CBFA2T2: variants seen among roughly 807,000 people sequenced by gnomAD.
The protein encoded by CBFA2T2 is protein CBFA2T2.
Under a neutral mutation model 62.2 loss-of-function variants are expected in CBFA2T2, and 11 were observed. That is an observed-to-expected ratio of 0.18 (90% CI 0.11 to 0.29). The LOEUF is 0.29. Ranked by LOEUF, CBFA2T2 falls within the 10% of genes least tolerant of loss-of-function variation. The pLI is 1.00. For synonymous variants in CBFA2T2, 295 were observed against 287.5 expected (o/e 1.03, Z -0.27); for missense variants, 592 against 774.1 (o/e 0.76, Z 2.79).
chr20:33,490,312 C>A lies in CBFA2T2; in HGVS notation c.34+11C>A. ...CGGCCGCCTTCCAGCGTAAGTGGGG[C>A]GTGAATGCGGGCGGCCGAGGGGGGC... is the stretch of plus-strand genomic sequence containing the variant. On this transcript the variant is annotated intron_variant, in intron 1 of 10. Coordinates refer to ENST00000342704, the MANE Select transcript of CBFA2T2 (RefSeq NM_001032999.3). 1 of 1,284,332 alleles carries A rather than the reference C, an allele frequency of 7.8e-7. No homozygotes were observed. Among genetic ancestry groups the A allele is most frequent in the Non-Finnish European group, 9.8e-7 (1 of 1,016,296 alleles). 79.6% of individuals were successfully genotyped at this position (1,284,332 alleles called of 1,614,324 possible). A position where few individuals can be genotyped will look rare whatever the true frequency, so the allele number is the denominator to read the frequency against.
At chr20:33,643,753 C>CTATA (rs6147333) in intron 10 of CBFA2T2, among the ~76,000 whole-genome samples, 11 of 56,948 alleles carry the variant, frequency 1.9e-4, no homozygotes, top group Non-Finnish European at 3.0e-4. Context: ...CTCATCTCTA[C>CTATA]TATATATATA....
chr20:33,534,568 C>A (rs1328818885), intron 1 of CBFA2T2, among the ~76,000 whole-genome samples: 4 of 152,078 alleles, frequency 2.6e-5, no homozygotes, highest in Non-Finnish European at 5.9e-5. Flanking sequence ...CCACCTCGGC[C>A]TCCCAAAGTG....
At chr20:33,641,994 C>T (rs1216400474) in intron 10 of CBFA2T2, among the ~76,000 whole-genome samples, 3 of 152,002 alleles carry the variant, frequency 2.0e-5, no homozygotes, top group Non-Finnish European at 4.4e-5. Context: ...GTGGCTATCA[C>T]AGAGGATGTG....
intron 1 of CBFA2T2, among the ~76,000 whole-genome samples, chr20:33,573,412 G>T (rs916340671): frequency 6.6e-6 from 1 of 151,912 alleles, no homozygotes; most frequent in African/African-American, 2.4e-5. Flanking sequence ...AAGAGATGAT[G>T]GATGTAAGTG....
At chr20:33,601,845 C>T (rs571468324) in intron 1 of CBFA2T2, 2 of 150,966 alleles carry the variant, frequency 1.3e-5, no homozygotes, top group East Asian at 3.9e-4. Flanking sequence ...CACCCTGTCA[C>T]TCAGGCTGGA....
At chr20:33,567,454 A>G (rs1336288960) in intron 1 of CBFA2T2, among the ~76,000 whole-genome samples, 1 of 152,224 alleles carries the variant, frequency 6.6e-6, no homozygotes, top group Non-Finnish European at 1.5e-5. Context: ...CCTGTGGTAC[A>G]GTACGCTAAG....
intron 1 of CBFA2T2, among the ~76,000 whole-genome samples, chr20:33,493,070 T>G (rs906102738): frequency 8.4e-5 from 11 of 131,602 alleles, no homozygotes; most frequent in South Asian, 2.6e-4. Context: ...AAGTTTTGGT[T>G]TTTTTTTTTT....
chr20:33,593,533 C>T (rs1258548714), intron 1 of CBFA2T2, among the ~76,000 whole-genome samples: 7 of 150,796 alleles, frequency 4.6e-5, no homozygotes, highest in Non-Finnish European at 8.8e-5. Context: ...GCTGGGATTA[C>T]AGGCACCTGC....
At position 33,633,148 on chromosome 20, in the gene CBFA2T2, A is replaced by T. The variant is rs969861095; in HGVS notation, c.1228+3234A>T. ...CACTTTGGGAGGCTGAACGAGGTGG[A>T]TCACGTGAAGCCAGGAGTTCGAGAC... is the stretch of plus-strand genomic sequence containing the variant. On this transcript the variant is annotated intron_variant, in intron 8 of 10. Transcript: ENST00000342704. Among the ~76,000 whole-genome samples, 12 of 151,832 alleles carry T rather than the reference A, an allele frequency of 7.9e-5. 1 individual carries two copies. Among genetic ancestry groups the T allele is most frequent in the Non-Finnish European group, 1.6e-4 (11 of 67,954 alleles).
intron 1 of CBFA2T2, among the ~76,000 whole-genome samples, chr20:33,526,188 T>TA (rs2011880951): frequency 6.6e-6 from 1 of 152,218 alleles, no homozygotes; most frequent in Admixed American, 6.5e-5. Context: ...CGCCTGGCCT[T>TA]ACATATATTT....
chr20:33,503,266 T>G (rs2011329230), intron 1 of CBFA2T2, among the ~76,000 whole-genome samples: 1 of 143,974 alleles, frequency 6.9e-6, no homozygotes, highest in Admixed American at 6.9e-5. Flanking sequence ...TTTTTTTTTT[T>G]TTTTTTGAGA....
At chr20:33,621,252 T>C in intron 4 of CBFA2T2, among the ~76,000 whole-genome samples, 1 of 151,634 alleles carries the variant, frequency 6.6e-6, no homozygotes, top group Admixed American at 6.6e-5. Context: ...TTCTCTCTTT[T>C]ATGAGTATCT....
At chr20:33,585,405 T>TA (rs2014317616) in intron 1 of CBFA2T2, among the ~76,000 whole-genome samples, 1 of 152,220 alleles carries the variant, frequency 6.6e-6, no homozygotes, top group Non-Finnish European at 1.5e-5. Flanking sequence ...TCATACTACA[T>TA]ATATATAGGA....
intron 1 of CBFA2T2, among the ~76,000 whole-genome samples, chr20:33,569,230 G>T (rs1364494775): frequency 6.6e-6 from 1 of 152,148 alleles, no homozygotes; most frequent in African/African-American, 2.4e-5. Context: ...AATCCAGTGG[G>T]CAGTATGTTA....
At chr20:33,577,142 T>C (rs1387588551) in intron 1 of CBFA2T2, among the ~76,000 whole-genome samples, 1 of 152,226 alleles carries the variant, frequency 6.6e-6, no homozygotes, top group African/African-American at 2.4e-5. Flanking sequence ...CTGGTTATCT[T>C]TCAGAGTGTC....
chr20:33,494,259 A>G (rs1250308477), intron 1 of CBFA2T2, among the ~76,000 whole-genome samples: 5 of 71,324 alleles, frequency 7.0e-5, no homozygotes, highest in African/African-American at 3.1e-4. Flanking sequence ...ATATATATAT[A>G]TATATATATA....
At chr20:33,586,604 T>A (rs2014381895) in intron 1 of CBFA2T2, among the ~76,000 whole-genome samples, 1 of 152,160 alleles carries the variant, frequency 6.6e-6, no homozygotes, top group Non-Finnish European at 1.5e-5. Context: ...TGGCTGTGAG[T>A]TCAAAATAGA....
At chr20:33,605,081 T>C (rs2015289067) in intron 1 of CBFA2T2, among the ~76,000 whole-genome samples, 1 of 152,208 alleles carries the variant, frequency 6.6e-6, no homozygotes, top group African/African-American at 2.4e-5. Context: ...CTTGGGGGCA[T>C]TGCTTTCTTG....
chr20:33,604,299 T>C (rs1414497962), intron 1 of CBFA2T2, among the ~76,000 whole-genome samples: 1 of 152,208 alleles, frequency 6.6e-6, no homozygotes, highest in East Asian at 1.9e-4. Flanking sequence ...CTTGCAGTGA[T>C]TTAGGCATCA....
Sources: gnomAD v4.1 joint callset for allele counts (sites outside exome capture counted in the v4.1 genomes callset) on GRCh38, gnomAD v4.1.1 for gene constraint, MANE v1.5 for transcripts, NCBI Gene and HGNC (gene_info 2026-07-23, HGNC 2026-07-21) for gene names.